ACTR10: variants seen among roughly 807,000 people sequenced by gnomAD.
ACTR10 encodes the protein actin-related protein 10.
A neutral mutation model predicts 56.2 loss-of-function variants in ACTR10; 43 were observed. The ratio of observed to expected loss-of-function variants is 0.77; its 90% CI spans 0.60 to 0.99. ACTR10 has a LOEUF of 0.99. ACTR10 is among the 50% of genes least tolerant of loss of function. The pLI, the probability that ACTR10 is intolerant of heterozygous loss-of-function variation, is 0.00. For missense variants in ACTR10, 466 were observed against 507.8 expected (o/e 0.92, Z 0.79); for synonymous variants, 170 against 176.3 (o/e 0.96, Z 0.28).
intron 2 of ACTR10, chr14:58,207,305 T>G (rs1186606251): frequency 6.7e-6 from 1 of 149,968 alleles, no homozygotes; most frequent in East Asian, 1.9e-4. Context: ...CCTCCCAAAG[T>G]GCTGGAAATT....
In ACTR10 at chr14:58,234,361, G is replaced by A. The variant is rs1277238775; in HGVS notation, c.1073-9G>A. On this transcript the variant is annotated splice_polypyrimidine_tract_variant and intron_variant, in intron 12 of 12. Coordinates refer to ENST00000254286, the MANE Select transcript of ACTR10 (RefSeq NM_018477.3). The stretch of plus-strand genomic sequence containing the variant: ...CATCTTAGCTATAAAAAATATTTTT[G>A]TCACACAGGGGCTATTTTTGGAGCA... 6.6e-7 allele frequency: 1 copy of A among 1,525,296 alleles called. No homozygotes were observed. The highest frequency in any genetic ancestry group is 1.3e-5 in the South Asian group (1 of 76,050). The allele number at this position is 1,525,296 out of a possible 1,614,324, so 94.5% of individuals were successfully genotyped here.
chr14:58,230,735 C>G (rs913341526), intron 11 of ACTR10, among the ~76,000 whole-genome samples: 7 of 151,394 alleles, frequency 4.6e-5, no homozygotes, highest in Non-Finnish European at 1.0e-4. Context: ...CATTCCAAAC[C>G]CCAGGATAAT....
rs564994709 is a variant in ACTR10 at position 58,217,177 on chromosome 14, G to T, written c.598+1893G>T. On this transcript the variant is annotated intron_variant, in intron 7 of 12. Transcript: ENST00000254286. ...GCATCCCAAGATGTTCTTTGTAAAG[G>T]TCTTTAAACCCAATAATATTTCCAT... is the stretch of plus-strand genomic sequence containing the variant. Among the ~76,000 whole-genome samples the T allele has an allele frequency of 1.1e-4, 16 of 152,198 alleles. No homozygotes were observed. In the Middle Eastern group the frequency reaches 0.01, roughly 97 times the overall value.
At chr14:58,233,857 T>C (rs1005421260) in intron 12 of ACTR10, among the ~76,000 whole-genome samples, 61 of 152,312 alleles carry the variant, frequency 4.0e-4, no homozygotes, top group African/African-American at 1.4e-3. Flanking sequence ...TAGAATTTGG[T>C]CAAAACGTAG....
In ACTR10 at chr14:58,203,243, A is replaced by T. The variant is rs1236143054; in HGVS notation, c.150+316A>T. 2.7e-5 allele frequency among the ~76,000 whole-genome samples: 4 copies of T among 146,828 alleles called. No individual in the cohort carries two copies. In the Admixed American group the frequency reaches 2.8e-4, roughly 10 times the overall value. ...CTTGAACCCGGGAGGCGGAGGTTGC[A>T]GTGAGCCAAAATCAAGCCATCGCAC... is the stretch of plus-strand genomic sequence containing the variant. On this transcript the variant is annotated intron_variant, in intron 2 of 12. Transcript: ENST00000254286.
At chr14:58,208,255 T>G (rs1480697468) in intron 3 of ACTR10, among the ~76,000 whole-genome samples, 1 of 152,226 alleles carries the variant, frequency 6.6e-6, no homozygotes, top group Non-Finnish European at 1.5e-5. Flanking sequence ...AATTAAATTA[T>G]TCTACATTCA....
intron 7 of ACTR10, among the ~76,000 whole-genome samples, chr14:58,217,262 A>C (rs1372745464): frequency 2.6e-5 from 4 of 152,312 alleles, no homozygotes; most frequent in African/African-American, 7.2e-5. Context: ...TACTGATTCT[A>C]ACCTTTCCTT....
At position 58,202,347 on chromosome 14, in the gene ACTR10, C is replaced by T. The variant is rs557793461; in HGVS notation, c.78-508C>T. Among the ~76,000 whole-genome samples, 64 of 151,706 alleles carry T rather than the reference C, an allele frequency of 4.2e-4. No homozygotes were observed. In the East Asian group the frequency reaches 7.4e-3, roughly 17 times the overall value. ...CTGTAATACCAGCACTTTGGGAGGC[C>T]GACGCGGGCGGGTCACGAGGTCAGG... is the stretch of plus-strand genomic sequence containing the variant. On this transcript the variant is annotated intron_variant, in intron 1 of 12. Transcript: ENST00000254286.
chr14:58,204,648 T>G (rs540669693), intron 2 of ACTR10, among the ~76,000 whole-genome samples: 29 of 152,340 alleles, frequency 1.9e-4, no homozygotes, highest in Middle Eastern at 3.4e-3. Context: ...CCAGTGGGAC[T>G]GTTATTAAGT....
At chr14:58,201,155 A>G (rs559365788) in intron 1 of ACTR10, among the ~76,000 whole-genome samples, 4 of 152,316 alleles carry the variant, frequency 2.6e-5, no homozygotes, top group Non-Finnish European at 5.9e-5. Context: ...TAGGTATTTA[A>G]TAACTATTTA....
chr14:58,203,712 C>T (rs1365519742), intron 2 of ACTR10, among the ~76,000 whole-genome samples: 1 of 152,076 alleles, frequency 6.6e-6, no homozygotes, highest in Non-Finnish European at 1.5e-5. Flanking sequence ...TTTACAGTTT[C>T]AAAACCCAGA....
Position 58,222,965 on chromosome 14 carries a change from A to G in ACTR10, c.635-657A>G, listed in dbSNP as rs577221888. 5.9e-5 allele frequency among the ~76,000 whole-genome samples: 9 copies of G among 152,250 alleles called. No homozygotes were observed. The South Asian group carries it at 1.9e-3, about 32-fold the overall frequency. On this transcript the variant is annotated intron_variant, in intron 8 of 12. Coordinates refer to ENST00000254286, the MANE Select transcript of ACTR10 (RefSeq NM_018477.3). ...ATTCAGTTAGAATAGCTACATTTTT[A>G]TGATGGTAAAATTAATTTTTATTGT...
intron 1 of ACTR10, among the ~76,000 whole-genome samples, chr14:58,201,843 C>G (rs1365143197): frequency 6.6e-6 from 1 of 151,896 alleles, no homozygotes; most frequent in Non-Finnish European, 1.5e-5. Context: ...CAGCTCTACA[C>G]AAAATACAAA....
In ACTR10 at chr14:58,210,622, A is replaced by G. The variant is rs535550024; in HGVS notation, c.343-670A>G. Among the ~76,000 whole-genome samples the G allele has an allele frequency of 1.3e-3, 200 of 151,502 alleles. 3 individuals are homozygous for G. The highest frequency in any genetic ancestry group is 4.2e-3 in the African/African-American group (174 of 41,376). ...TTTCATCTTAATGGTAAAGGCATCTATTTTTTAAATTTAACATCTTCCTCT... is the reference window on the plus strand; with the variant it reads ...TTTCATCTTAATGGTAAAGGCATCTGTTTTTTAAATTTAACATCTTCCTCT... On this transcript the variant is annotated intron_variant, in intron 4 of 12. Transcript: ENST00000254286.
At position 58,200,179 on chromosome 14, in the gene ACTR10, G is replaced by GAGACTTGAGGGCCGCC; in HGVS notation, c.-39_-38insAGACTTGAGGGCCGCC. 6.9e-7 allele frequency: 1 copy of GAGACTTGAGGGCCGCC among 1,447,492 alleles called. No homozygotes were observed. Among genetic ancestry groups the GAGACTTGAGGGCCGCC allele is most frequent in the Non-Finnish European group, 9.2e-7 (1 of 1,089,992 alleles). 89.7% of individuals were successfully genotyped at this position (1,447,492 alleles called of 1,614,324 possible). On this transcript the variant is annotated 5_prime_UTR_variant, in exon 1 of 13. Coordinates refer to ENST00000254286, the MANE Select transcript of ACTR10 (RefSeq NM_018477.3). ...GCGAGCGCCGAGACTTGTTGGCCGC[G>GAGACTTGAGGGCCGCC]GAGACTGCGACCCTCTTCTCTCAGT...
At chr14:58,210,272 A>C (rs1164179458) in intron 4 of ACTR10, among the ~76,000 whole-genome samples, 3 of 152,166 alleles carry the variant, frequency 2.0e-5, no homozygotes. Flanking sequence ...TTCTTACTGA[A>C]AAAAATGTTG....
At chr14:58,220,094 C>T (rs1479226100) in intron 8 of ACTR10, among the ~76,000 whole-genome samples, 4 of 152,186 alleles carry the variant, frequency 2.6e-5, no homozygotes, top group African/African-American at 4.8e-5. Flanking sequence ...TAAGAACTTC[C>T]GGAATTGTGA....
Position 58,207,923 on chromosome 14 carries a change from T to A in ACTR10, c.151-13T>A. 7.1e-7 allele frequency: 1 copy of A among 1,401,146 alleles called. No homozygotes were observed. The highest frequency in any genetic ancestry group is 1.6e-5 in the South Asian group (1 of 61,160). 86.8% of individuals were successfully genotyped at this position (1,401,146 alleles called of 1,614,324 possible). The stretch of plus-strand genomic sequence containing the variant: ...ATTAATATAAATTAATAAATCATTT[T>A]AATTTTTTACAGCCTGTCAGAGTTG... On this transcript the variant is annotated splice_polypyrimidine_tract_variant and intron_variant, in intron 2 of 12. Coordinates refer to ENST00000254286, the MANE Select transcript of ACTR10 (RefSeq NM_018477.3).
intron 7 of ACTR10, among the ~76,000 whole-genome samples, chr14:58,216,335 G>T (rs112960448): frequency 6.6e-6 from 1 of 152,060 alleles, no homozygotes; most frequent in African/African-American, 2.4e-5. Context: ...TTGCCATGTC[G>T]CCTAGGCTGG....
Sources: allele counts gnomAD v4.1 joint callset (sites outside exome capture counted in the v4.1 genomes callset), GRCh38; gene constraint gnomAD v4.1.1; transcripts MANE v1.5; gene names NCBI Gene and HGNC (gene_info 2026-07-23, HGNC 2026-07-21).